The following TMEM117 variants were observed in gnomAD, a reference collection of about 807,000 sequenced individuals.
TMEM117 encodes transmembrane protein 117.
In TMEM117, 27 loss-of-function variants were observed where a neutral mutation model predicts 52.4. That is an observed-to-expected ratio of 0.51 (90% CI 0.38 to 0.71). TMEM117 has a LOEUF of 0.71. Ranked by LOEUF, TMEM117 falls within the 30% of genes least tolerant of loss-of-function variation. The pLI is 0.00. For missense variants in TMEM117, 556 were observed against 630.5 expected (o/e 0.88, Z 1.26); for synonymous variants, 215 against 206.3 (o/e 1.04, Z -0.36).
intron 3 of TMEM117, among the ~76,000 whole-genome samples, chr12:44,010,852 CAT>C (rs1946278706): frequency 6.6e-6 from 1 of 152,160 alleles, no homozygotes; most frequent in Non-Finnish European, 1.5e-5. Context: ...TGTATCTAAA[CAT>C]ATACACATGA....
chr12:43,800,368 A>C, the TMEM117 span: 1 of 1,145,712 alleles, frequency 8.7e-7, no homozygotes, highest in South Asian at 1.4e-5. Flanking sequence ...TCAATTACCC[A>C]TTACCTAGGA....
At chr12:43,952,237 C>A (rs1044932270) in intron 3 of TMEM117, among the ~76,000 whole-genome samples, 2 of 152,034 alleles carry the variant, frequency 1.3e-5, no homozygotes, top group Non-Finnish European at 2.9e-5. Context: ...TCTTTTCCTC[C>A]AAATGATCAC....
intron 3 of TMEM117, among the ~76,000 whole-genome samples, chr12:43,966,376 T>G (rs142422843): frequency 6.6e-6 from 1 of 152,046 alleles, no homozygotes. Flanking sequence ...AATAGGATGG[T>G]TTTTAATTTG....
At chr12:43,868,097 T>C (rs1290534426) in intron 2 of TMEM117, among the ~76,000 whole-genome samples, 5 of 60,216 alleles carry the variant, frequency 8.3e-5, no homozygotes, top group Non-Finnish European at 2.2e-4. Flanking sequence ...AAATCAAATA[T>C]ACACACACAC....
intron 3 of TMEM117, among the ~76,000 whole-genome samples, chr12:44,014,240 C>A (rs751248973): frequency 6.6e-6 from 1 of 152,092 alleles, no homozygotes; most frequent in Non-Finnish European, 1.5e-5. Context: ...CACTGTGGTG[C>A]AGAGAATAAC....
At chr12:43,991,702 G>A (rs947208695) in intron 3 of TMEM117, among the ~76,000 whole-genome samples, 2 of 152,020 alleles carry the variant, frequency 1.3e-5, no homozygotes, top group African/African-American at 4.8e-5. Context: ...ATTATCTACG[G>A]ACAAAATGAG....
chr12:44,074,086 C>A (rs1293772899), intron 3 of TMEM117, among the ~76,000 whole-genome samples: 1 of 152,090 alleles, frequency 6.6e-6, no homozygotes, highest in Non-Finnish European at 1.5e-5. Context: ...AATCAATGTA[C>A]CTTCCCTGTT....
At chr12:44,206,145 G>A (rs1276686773) in intron 4 of TMEM117, among the ~76,000 whole-genome samples, 3 of 151,940 alleles carry the variant, frequency 2.0e-5, no homozygotes, top group African/African-American at 7.3e-5. Context: ...TAAGTTCTAG[G>A]GTACATGTGC....
intron 2 of TMEM117, among the ~76,000 whole-genome samples, chr12:43,859,067 G>A (rs1943445049): frequency 6.6e-6 from 1 of 152,198 alleles, no homozygotes; most frequent in Admixed American, 6.5e-5. Flanking sequence ...AGAGTGAATG[G>A]AATTGGTGAG....
intron 6 of TMEM117, among the ~76,000 whole-genome samples, chr12:44,364,717 T>C (rs867669363): frequency 1.3e-5 from 2 of 152,094 alleles, no homozygotes; most frequent in Non-Finnish European, 2.9e-5. Context: ...TAAAATAGTT[T>C]GTTAGGTTTC....
chr12:44,323,948 A>G (rs1348374122), intron 6 of TMEM117, among the ~76,000 whole-genome samples: 1 of 152,080 alleles, frequency 6.6e-6, no homozygotes, highest in Non-Finnish European at 1.5e-5. Context: ...CTCTAGAACC[A>G]TTTACATATA....
At chr12:44,289,284 T>G (rs1445268453) in intron 5 of TMEM117, among the ~76,000 whole-genome samples, 2 of 151,214 alleles carry the variant, frequency 1.3e-5, no homozygotes, top group Admixed American at 1.3e-4. Context: ...TCTTTCTTCA[T>G]TCATCCATTA....
chr12:44,371,601 A>G (rs1322463478), intron 6 of TMEM117, among the ~76,000 whole-genome samples: 2 of 152,132 alleles, frequency 1.3e-5, no homozygotes, highest in Non-Finnish European at 2.9e-5. Flanking sequence ...ACTTCTCTAA[A>G]TAGAAGTGAG....
chr12:43,811,840 G>T, the TMEM117 span, among the ~76,000 whole-genome samples: 2 of 152,210 alleles, frequency 1.3e-5, no homozygotes, highest in African/African-American at 4.8e-5. Flanking sequence ...AAGCAAATCA[G>T]CTGAGACCTG....
At chr12:44,311,757 GTATATATATA>G (rs60287681) in intron 6 of TMEM117, among the ~76,000 whole-genome samples, 1 of 115,008 alleles carries the variant, frequency 8.7e-6, no homozygotes, top group Non-Finnish European at 1.7e-5. Context: ...GTGTATATAT[GTATATATATA>G]TGTATATATG....
At chr12:44,102,148 A>C (rs1247380949) in intron 3 of TMEM117, among the ~76,000 whole-genome samples, 1 of 152,048 alleles carries the variant, frequency 6.6e-6, no homozygotes, top group African/African-American at 2.4e-5. Flanking sequence ...AGGGAGATAT[A>C]AGAAAGAAAA....
At chr12:44,031,704 A>G (rs1344873008) in intron 3 of TMEM117, among the ~76,000 whole-genome samples, 2 of 152,244 alleles carry the variant, frequency 1.3e-5, no homozygotes, top group African/African-American at 4.8e-5. Flanking sequence ...ACTCAAGAAC[A>G]AAATTTGGAG....
the TMEM117 span, chr12:43,800,316 T>TGAA: frequency 3.0e-6 from 2 of 673,414 alleles, no homozygotes; most frequent in Non-Finnish European, 5.0e-6. Context: ...ATACAGTATT[T>TGAA]CTCTTATTCT....
At chr12:44,317,545 C>G (rs1372255853) in intron 6 of TMEM117, among the ~76,000 whole-genome samples, 1 of 152,062 alleles carries the variant, frequency 6.6e-6, no homozygotes, top group Non-Finnish European at 1.5e-5. Context: ...CAGGTGCCTG[C>G]CACTACACCT....
Sources: gnomAD v4.1 joint callset for allele counts (sites outside exome capture counted in the v4.1 genomes callset) on GRCh38, gnomAD v4.1.1 for gene constraint, MANE v1.5 for transcripts, NCBI Gene and HGNC (gene_info 2026-07-23, HGNC 2026-07-21) for gene names.